The following RANBP2 variants were observed in gnomAD, a reference collection of about 807,000 sequenced individuals.
RANBP2 encodes the protein E3 SUMO-protein ligase RanBP2.
RANBP2 carries 57 observed loss-of-function variants against 303.6 expected under a neutral mutation model. The ratio of observed to expected loss-of-function variants is 0.19; its 90% CI spans 0.15 to 0.23. The LOEUF is 0.23. RANBP2 is among the 10% of genes least tolerant of loss of function. The probability of loss-of-function intolerance (pLI) is 1.00; values close to 1 mark genes in which losing one functional copy is unlikely to be tolerated. For synonymous variants in RANBP2, 1,167 were observed against 1,301.5 expected (o/e 0.90, Z 2.23); for missense variants, 3,138 against 3,780.8 (o/e 0.83, Z 4.46).
the RANBP2 span, among the ~76,000 whole-genome samples, chr2:109,376,078 C>T: frequency 6.6e-6 from 1 of 152,220 alleles, no homozygotes; most frequent in South Asian, 2.1e-4. Flanking sequence ...CTGGGGTAGG[C>T]AGAGAGCACT....
chr2:109,138,633 AG>A, the RANBP2 span, among the ~76,000 whole-genome samples: 1 of 152,216 alleles, frequency 6.6e-6, no homozygotes, highest in Admixed American at 6.5e-5. Flanking sequence ...GTTCATCTGC[AG>A]TGAGGAAGTG....
chr2:109,726,072 T>TGTGG, the RANBP2 span, among the ~76,000 whole-genome samples: 3 of 150,402 alleles, frequency 2.0e-5, no homozygotes, highest in African/African-American at 7.3e-5. Flanking sequence ...TGTGTGTGTG[T>TGTGG]GTGTGTGTGT....
chr2:109,140,598 G>C, the RANBP2 span, among the ~76,000 whole-genome samples: 1 of 151,946 alleles, frequency 6.6e-6, no homozygotes, highest in Non-Finnish European at 1.5e-5. Context: ...AACCAGGATG[G>C]TCTTGATCTC....
chr2:109,188,758 C>G, the RANBP2 span, among the ~76,000 whole-genome samples: 1,002 of 152,264 alleles, frequency 6.6e-3, 6 homozygotes, highest in Non-Finnish European at 0.01. Context: ...GAGACACCAT[C>G]GCAGAAGCCA....
chr2:109,598,094 C>A, the RANBP2 span, among the ~76,000 whole-genome samples: 140 of 152,136 alleles, frequency 9.2e-4, no homozygotes, highest in African/African-American at 3.3e-3. Context: ...TGGAGTCTTG[C>A]TCTCGTTGCC....
the RANBP2 span, among the ~76,000 whole-genome samples, chr2:108,999,247 T>C: frequency 6.6e-6 from 1 of 152,198 alleles, no homozygotes; most frequent in Non-Finnish European, 1.5e-5. Context: ...ATAGGATTGA[T>C]GTGAGCATTA....
the RANBP2 span, among the ~76,000 whole-genome samples, chr2:109,695,624 A>C: frequency 1.3e-5 from 2 of 152,178 alleles, no homozygotes; most frequent in African/African-American, 4.8e-5. Context: ...GATAGGAGAT[A>C]GATAGAAATT....
At chr2:109,426,982 T>C in the RANBP2 span, among the ~76,000 whole-genome samples, 1 of 150,518 alleles carries the variant, frequency 6.6e-6, no homozygotes, top group Non-Finnish European at 1.5e-5. Context: ...ATATATATTT[T>C]TTTTTGAGAC....
chr2:109,621,973 C>T, the RANBP2 span, among the ~76,000 whole-genome samples: 1 of 150,606 alleles, frequency 6.6e-6, no homozygotes, highest in Non-Finnish European at 1.5e-5. Context: ...GTAGTCAGTT[C>T]AGCACTATTG....
the RANBP2 span, among the ~76,000 whole-genome samples, chr2:109,094,101 G>T: frequency 4.6e-5 from 7 of 152,136 alleles, no homozygotes; most frequent in Admixed American, 3.9e-4. Flanking sequence ...GGCAGTTATG[G>T]GGGGATACTC....
At chr2:108,895,218 T>G in the RANBP2 span, 1 of 152,640 alleles carries the variant, frequency 6.6e-6, no homozygotes, top group South Asian at 2.1e-4. Context: ...ATGTACTACA[T>G]TCGTTGGTGG....
chr2:109,351,487 C>T, the RANBP2 span, among the ~76,000 whole-genome samples: 2 of 152,256 alleles, frequency 1.3e-5, no homozygotes, highest in African/African-American at 4.8e-5. Context: ...TTGTCTTACT[C>T]AGCTCACCTG....
the RANBP2 span, among the ~76,000 whole-genome samples, chr2:108,907,201 A>G: frequency 6.6e-6 from 1 of 152,170 alleles, no homozygotes; most frequent in Non-Finnish European, 1.5e-5. Context: ...TAGAAGAAAA[A>G]CGTTGTGTGT....
the RANBP2 span, among the ~76,000 whole-genome samples, chr2:109,456,502 G>A: frequency 3.9e-5 from 6 of 152,188 alleles, no homozygotes; most frequent in Non-Finnish European, 5.9e-5. Context: ...GGAATGTCCC[G>A]TCAGAGCACA....
the RANBP2 span, chr2:109,501,704 G>A: frequency 2.9e-5 from 21 of 728,480 alleles, no homozygotes; most frequent in Non-Finnish European, 4.6e-5. Flanking sequence ...GCTCACAGAG[G>A]GGGAGGCCGC....
At chr2:108,975,470 T>A in the RANBP2 span, among the ~76,000 whole-genome samples, 1 of 152,092 alleles carries the variant, frequency 6.6e-6, no homozygotes, top group Admixed American at 6.5e-5. Flanking sequence ...GCGTCTACTT[T>A]AACCTGGGAC....
chr2:109,382,591 A>C, the RANBP2 span, among the ~76,000 whole-genome samples: 1 of 152,146 alleles, frequency 6.6e-6, no homozygotes, highest in Non-Finnish European at 1.5e-5. Context: ...AGAGCACCCC[A>C]GTCGTCTCCA....
chr2:109,484,901 C>T, the RANBP2 span, among the ~76,000 whole-genome samples: 1 of 152,210 alleles, frequency 6.6e-6, no homozygotes, highest in African/African-American at 2.4e-5. Flanking sequence ...ACTATCTCCC[C>T]AGTCTCAGGT....
the RANBP2 span, among the ~76,000 whole-genome samples, chr2:109,354,688 T>C: frequency 6.6e-6 from 1 of 152,234 alleles, no homozygotes; most frequent in Non-Finnish European, 1.5e-5. Context: ...GCCAGCCACC[T>C]CCAGTGGCAT....
Sources: gnomAD v4.1 joint callset for allele counts (sites outside exome capture counted in the v4.1 genomes callset) on GRCh38, gnomAD v4.1.1 for gene constraint, MANE v1.5 for transcripts, NCBI Gene and HGNC (gene_info 2026-07-23, HGNC 2026-07-21) for gene names.